The following AFF2 variants were observed in gnomAD, a reference collection of about 807,000 sequenced individuals.
AFF2 encodes the protein AF4/FMR2 family member 2.
In AFF2, 14 loss-of-function variants were observed where a neutral mutation model predicts 76.9. The ratio of observed to expected loss-of-function variants is 0.18; its 90% CI spans 0.12 to 0.28. The LOEUF is 0.28. Ranked by LOEUF, AFF2 falls within the 10% of genes least tolerant of loss-of-function variation. The pLI, the probability that AFF2 is intolerant of heterozygous loss-of-function variation, is 1.00. For synonymous variants in AFF2, 398 were observed against 366.7 expected (o/e 1.09, Z -0.98); for missense variants, 868 against 1,001.1 (o/e 0.87, Z 1.79).
intron 3 of AFF2, among the ~76,000 whole-genome samples, chrX:148,784,326 C>G (rs1451268629): frequency 8.9e-6 from 1 of 111,941 alleles, no homozygotes; most frequent in Non-Finnish European, 1.9e-5. Context: ...TAGTGCTGAG[C>G]TCTTGTGTTA....
At chrX:148,533,302 T>G (rs926123624) in intron 1 of AFF2, among the ~76,000 whole-genome samples, 2 of 111,199 alleles carry the variant, frequency 1.8e-5, no homozygotes, top group Non-Finnish European at 3.8e-5. Flanking sequence ...GATTATTATT[T>G]TTTTTTTTGA....
At chrX:148,608,746 T>C (rs2053698514) in intron 1 of AFF2, among the ~76,000 whole-genome samples, 1 of 111,118 alleles carries the variant, frequency 9.0e-6, no homozygotes, top group African/African-American at 3.3e-5. Flanking sequence ...TGAAATATTT[T>C]AAACACTTCC....
At chrX:148,625,391 C>T (rs1438744993) in intron 1 of AFF2, among the ~76,000 whole-genome samples, 1 of 110,999 alleles carries the variant, frequency 9.0e-6, no homozygotes, top group East Asian at 2.9e-4. Context: ...GACTTTTGGC[C>T]CCTTACTCCT....
In AFF2 at chrX:148,500,956, G is replaced by A; in HGVS notation, c.-142G>A. ...ACCTCCAGCGCCCGCTGCTGCTGCC[G>A]ATGCGGCCCGGACACTTTTAGCTGG... is the stretch of plus-strand genomic sequence containing the variant. On this transcript the variant is annotated 5_prime_UTR_variant, in exon 1 of 21. Coordinates refer to ENST00000370460, the MANE Select transcript of AFF2 (RefSeq NM_002025.4). 2.7e-6 allele frequency: 2 copies of A among 741,869 alleles called. No homozygotes were observed. The highest frequency in any genetic ancestry group is 2.9e-5 in the South Asian group (1 of 34,511). The allele number at this position is 741,869 out of a possible 1,213,427, so 61.1% of individuals were successfully genotyped here. A position where few individuals can be genotyped will look rare whatever the true frequency, so the allele number is the denominator to read the frequency against.
rs1557292269 is a variant in AFF2, at chrX:148,991,379, A to G, written c.*47A>G. The G allele has an allele frequency of 8.8e-7, 1 of 1,137,091 alleles. No homozygotes were observed. The highest frequency in any genetic ancestry group is 1.2e-6 in the Non-Finnish European group (1 of 851,098). The allele number at this position is 1,137,091 out of a possible 1,213,427, so 93.7% of individuals were successfully genotyped here. On this transcript the variant is annotated 3_prime_UTR_variant, in exon 21 of 21. Coordinates refer to ENST00000370460, the MANE Select transcript of AFF2 (RefSeq NM_002025.4). Reference sequence around the variant, plus strand: ...CATCACGACCCATCACTCTACCTCTACCAGCGCACTGATGGTCACTGGTGG... The same window carrying G: ...CATCACGACCCATCACTCTACCTCTGCCAGCGCACTGATGGTCACTGGTGG...
In AFF2 at chrX:148,862,890, T is replaced by C. The variant is rs530294630; in HGVS notation, c.1262+19457T>C. On this transcript the variant is annotated intron_variant, in intron 7 of 20. Coordinates refer to ENST00000370460, the MANE Select transcript of AFF2 (RefSeq NM_002025.4). The stretch of plus-strand genomic sequence containing the variant: ...ACATTATCTGAAGCTTGATAGCAGA[T>C]AATTATTTGATTGAATATGAAAACA... Among the ~76,000 whole-genome samples the C allele has an allele frequency of 1.7e-4, 19 of 112,427 alleles. No individual in the cohort carries two copies. The South Asian group carries it at 6.7e-3, about 39-fold the overall frequency.
At chrX:148,948,037 C>T (rs2071920720) in intron 9 of AFF2, among the ~76,000 whole-genome samples, 1 of 112,203 alleles carries the variant, frequency 8.9e-6, no homozygotes, top group African/African-American at 3.2e-5. Context: ...CTCCCATGTA[C>T]ATTTCCTATA....
rs891961691 is a variant in AFF2 at position 148,971,297 on chromosome X, T to G, written c.3268-2174T>G. Among the ~76,000 whole-genome samples the G allele has an allele frequency of 6.8e-5, 7 of 103,012 alleles. No homozygotes were observed. In the East Asian group the frequency reaches 2.1e-3, roughly 31 times the overall value. 89.5% of individuals were successfully genotyped at this position (103,012 alleles called of 115,157 possible). ...GAAAAAACAGTTGCAGACATGTCACTGTCCTTTTGTCTAAGTGAGGCGATA... is the reference window on the plus strand; with the variant it reads ...GAAAAAACAGTTGCAGACATGTCACGGTCCTTTTGTCTAAGTGAGGCGATA... On this transcript the variant is annotated intron_variant, in intron 15 of 20. Transcript: ENST00000370460.
At chrX:148,886,631 G>C (rs1314279776) in intron 8 of AFF2, among the ~76,000 whole-genome samples, 1 of 112,203 alleles carries the variant, frequency 8.9e-6, no homozygotes, top group Non-Finnish European at 1.9e-5. Context: ...CAAGTATCAT[G>C]TATGACTCAT....
At chrX:148,729,258 G>A (rs1383335204) in intron 3 of AFF2, among the ~76,000 whole-genome samples, 1 of 111,956 alleles carries the variant, frequency 8.9e-6, no homozygotes, top group Non-Finnish European at 1.9e-5. Flanking sequence ...TGACTTAAGG[G>A]ACCAAAGAAG....
At chrX:148,936,909 T>C (rs1569557242) in intron 9 of AFF2, among the ~76,000 whole-genome samples, 2 of 111,827 alleles carry the variant, frequency 1.8e-5, no homozygotes, top group Non-Finnish European at 3.8e-5. Flanking sequence ...ATAAAGTGAG[T>C]AGGAGCACTG....
At position 148,794,489 on chromosome X, in the gene AFF2, C is replaced by T. The variant is rs782623207; in HGVS notation, c.1042-15387C>T. Among the ~76,000 whole-genome samples the T allele has an allele frequency of 6.3e-5, 7 of 111,586 alleles. No individual in the cohort carries two copies. In the South Asian group the frequency reaches 2.7e-3, roughly 43 times the overall value. Reference sequence around the variant, plus strand: ...CAAGGTGCTGAACTCATTGTTAAACCTGAGTCCTTAGTGCTTAGCAACTCT... The same window carrying T: ...CAAGGTGCTGAACTCATTGTTAAACTTGAGTCCTTAGTGCTTAGCAACTCT... On this transcript the variant is annotated intron_variant, in intron 3 of 20. Transcript: ENST00000370460.
At chrX:148,981,394 A>C (rs1238999586) in intron 19 of AFF2, among the ~76,000 whole-genome samples, 6 of 110,437 alleles carry the variant, frequency 5.4e-5, no homozygotes, top group Non-Finnish European at 1.1e-4. Flanking sequence ...GGGCCCAAAA[A>C]CCGTTGACCT....
At chrX:148,983,234 G>A (rs1016446528) in intron 19 of AFF2, among the ~76,000 whole-genome samples, 1 of 112,236 alleles carries the variant, frequency 8.9e-6, no homozygotes, top group African/African-American at 3.2e-5. Context: ...AAAGAAAGAA[G>A]CTGGGCAAAC....
intron 5 of AFF2, among the ~76,000 whole-genome samples, 188 bp from the exon 6 acceptor site, chrX:148,842,778 C>T (rs1322064976): frequency 8.9e-6 from 1 of 111,857 alleles, no homozygotes; most frequent in Non-Finnish European, 1.9e-5. Flanking sequence ...CATGTTGCAG[C>T]AGGTTTGGCT....
At chrX:148,819,042 T>C (rs2070298136) in intron 4 of AFF2, among the ~76,000 whole-genome samples, 1 of 111,121 alleles carries the variant, frequency 9.0e-6, no homozygotes, top group South Asian at 3.8e-4. Flanking sequence ...TACCTGGCAC[T>C]GTTAGAAGAA....
intron 4 of AFF2, among the ~76,000 whole-genome samples, chrX:148,816,303 G>A (rs1026644760): frequency 9.0e-6 from 1 of 111,459 alleles, no homozygotes; most frequent in African/African-American, 3.3e-5. Context: ...TGAAATGAAA[G>A]AAAGAAGGAA....
chrX:148,554,273 T>C (rs1315127326), intron 1 of AFF2, among the ~76,000 whole-genome samples: 2 of 112,525 alleles, frequency 1.8e-5, no homozygotes, highest in Non-Finnish European at 3.8e-5. Context: ...GCTGGGCTAG[T>C]TGCTGCGGAT....
intron 4 of AFF2, among the ~76,000 whole-genome samples, chrX:148,830,925 C>T (rs2070446140): frequency 9.0e-6 from 1 of 110,590 alleles, no homozygotes; most frequent in Admixed American, 9.5e-5. Flanking sequence ...CATTCCTTAT[C>T]TACAACTGTA....
Sources: allele counts gnomAD v4.1 joint callset (sites outside exome capture counted in the v4.1 genomes callset), GRCh38; gene constraint gnomAD v4.1.1; transcripts MANE v1.5; gene names NCBI Gene and HGNC (gene_info 2026-07-23, HGNC 2026-07-21).